NUP58: variants seen among roughly 807,000 people sequenced by gnomAD.
NUP58 encodes nucleoporin p58/p45.
NUP58 carries 17 observed loss-of-function variants against 70.1 expected under a neutral mutation model. The observed-to-expected ratio is 0.24, with a 90% CI of 0.17 to 0.36. The LOEUF (loss-of-function observed/expected upper bound fraction) is 0.36. Among genes scored for constraint, NUP58 ranks in the 10% least tolerant of loss-of-function variants. The pLI is 1.00. For synonymous variants in NUP58, 275 were observed against 257.6 expected, an observed-to-expected ratio of 1.07 and a Z score of -0.65; for missense variants, 644 against 701.5, an observed-to-expected ratio of 0.92 and a Z score of 0.93.
chr13:25,345,857 A>C (rs2137854987), downstream of NUP58, among the ~76,000 whole-genome samples: 1 of 152,272 alleles, frequency 6.6e-6, no homozygotes, highest in Non-Finnish European at 1.5e-5. Context: ...GGAAAAATTG[A>C]CTGTGGCCCA....
intron 9 of NUP58, 126 bp downstream of exon 9, chr13:25,321,219 C>G: frequency 1.4e-6 from 1 of 732,748 alleles, no homozygotes; most frequent in Non-Finnish European, 2.2e-6. Flanking sequence ...CGGTAGAAAA[C>G]CAGATAACTC....
chr13:25,323,007 G>A (rs1316268624), intron 9 of NUP58, among the ~76,000 whole-genome samples: 2 of 152,196 alleles, frequency 1.3e-5, no homozygotes, highest in Non-Finnish European at 2.9e-5. Context: ...ATGCTGTAAT[G>A]GGACCCATTT....
At chr13:25,302,852 T>C (rs2030095800) in intron 1 of NUP58, 2 of 412,928 alleles carry the variant, frequency 4.8e-6, no homozygotes, top group East Asian at 1.4e-4. Flanking sequence ...ATACCTCCGT[T>C]ATTCTTACTC....
intron 10 of NUP58, among the ~76,000 whole-genome samples, chr13:25,325,616 C>T (rs554216377): frequency 6.6e-6 from 1 of 152,226 alleles, no homozygotes; most frequent in African/African-American, 2.4e-5. Flanking sequence ...CATGCTTTAC[C>T]TTCATATTTC....
At chr13:25,336,152 A>G (rs905523319) in intron 13 of NUP58, 2 of 1,339,318 alleles carry the variant, frequency 1.5e-6, no homozygotes, top group East Asian at 9.8e-5. Flanking sequence ...TCTTGAATGT[A>G]TTGAATCTGT....
chr13:25,333,215 C>T, intron 13 of NUP58: 1 of 985,246 alleles, frequency 1.0e-6, no homozygotes, highest in Non-Finnish European at 1.2e-6. Flanking sequence ...AGCTTGTGGA[C>T]ATATGGAGAT....
At chr13:25,335,617 C>T (rs1348848477) in intron 13 of NUP58, 2 of 984,434 alleles carry the variant, frequency 2.0e-6, no homozygotes, top group Non-Finnish European at 1.2e-6. Flanking sequence ...AGAATTCTGG[C>T]TGCTATTAGT....
At chr13:25,333,703 A>C (rs1338969005) in intron 13 of NUP58, 1 of 985,248 alleles carries the variant, frequency 1.0e-6, no homozygotes. Context: ...TACATTTAGA[A>C]ATGTCCCTAT....
At chr13:25,323,000 C>T (rs1458786118) in intron 9 of NUP58, among the ~76,000 whole-genome samples, 2 of 152,126 alleles carry the variant, frequency 1.3e-5, no homozygotes, top group African/African-American at 4.8e-5. Flanking sequence ...GAAGTGAATG[C>T]TGTAATGGGA....
Position 25,315,378 on chromosome 13 carries a change from G to A in NUP58, c.596G>A (p.Gly199Glu). Residue 199 changes from glycine (G) to glutamate (E), a missense_variant, in exon 6 of 16, where the codon GGG (glycine) becomes GAG (glutamate). Physicochemically the swap from Gly to Glu is moderately conservative, Grantham distance 98. Coordinates refer to ENST00000381736, the MANE Select transcript of NUP58 (RefSeq NM_014089.4). ...GTSGLGQNAL[G>E]LTLGTTAATS... ...ATAGGACTTGGACAGAATGCTTTAG[G>A]GTTGACTTTGGGAACTACAGCAGCT... The A allele has an allele frequency of 6.2e-7, 1 of 1,613,652 alleles. No homozygotes were observed. Among genetic ancestry groups the A allele is most frequent in the South Asian group, 1.1e-5 (1 of 91,070 alleles).
At chr13:25,333,855 A>T (rs1207345041) in intron 13 of NUP58, 1 of 985,164 alleles carries the variant, frequency 1.0e-6, no homozygotes, top group East Asian at 1.1e-4. Context: ...TTTATACATC[A>T]CTGTTGATCT....
At chr13:25,324,463 G>C (rs1352113118) in intron 9 of NUP58, among the ~76,000 whole-genome samples, 2 of 152,110 alleles carry the variant, frequency 1.3e-5, no homozygotes, top group African/African-American at 4.8e-5. Flanking sequence ...CTAGCAGCAT[G>C]ATATTGGGCA....
At position 25,341,710 on chromosome 13, in the gene NUP58, C is replaced by G. The variant is rs11538743; in HGVS notation, c.*1576C>G. On this transcript the variant is annotated 3_prime_UTR_variant, in exon 16 of 16. Transcript: ENST00000381736. ...AGAAAACCCTTGGAAAGAGAACTGC[C>G]TTAGCCATGATTTCGTTAGTAGACC... 887 of 152,652 alleles carry G rather than the reference C, an allele frequency of 5.8e-3. 3 individuals are homozygous for G. The highest frequency in any genetic ancestry group is 9.4e-3 in the Non-Finnish European group (636 of 67,996). 9.5% of individuals were successfully genotyped at this position (152,652 alleles called of 1,614,324 possible).
At position 25,333,162 on chromosome 13, in the gene NUP58, T is replaced by C. The variant is rs73470460; in HGVS notation, c.1435+1604T>C. 1.4e-3 allele frequency: 1,372 copies of C among 985,090 alleles called. 10 individuals carry two copies. In the African/African-American group the frequency reaches 0.019, roughly 14 times the overall value. The allele number at this position is 985,090 out of a possible 1,614,324, so 61.0% of individuals were successfully genotyped here. On this transcript the variant is annotated intron_variant, in intron 13 of 15. Coordinates refer to ENST00000381736, the MANE Select transcript of NUP58 (RefSeq NM_014089.4). ...TGTGTTTAACTTTCTTATCTATAGA[T>C]TATTATTTTGAGAAATTCATAGGTT...
intron 9 of NUP58, 85 bp from the exon 10 acceptor site, chr13:25,324,904 G>T: frequency 5.7e-6 from 5 of 872,542 alleles, no homozygotes; most frequent in Non-Finnish European, 9.2e-6. Flanking sequence ...TCAGTCCAGA[G>T]ACTGAATATT....
chr13:25,304,481 TA>T (rs2030196521), intron 1 of NUP58, among the ~76,000 whole-genome samples: 1 of 11,084 alleles, frequency 9.0e-5, no homozygotes, highest in South Asian at 3.2e-3. Flanking sequence ...GTCAAGATTA[TA>T]TATATATATA....
At chr13:25,324,389 T>G (rs1168073470) in intron 9 of NUP58, among the ~76,000 whole-genome samples, 1 of 152,168 alleles carries the variant, frequency 6.6e-6, no homozygotes, top group Non-Finnish European at 1.5e-5. Context: ...TTGGCTGGAA[T>G]TGTAGAAAGC....
chr13:25,331,892 T>G (rs940344562), intron 13 of NUP58: 22 of 1,095,444 alleles, frequency 2.0e-5, no homozygotes, highest in Non-Finnish European at 2.3e-5. Context: ...ACTGTACCAT[T>G]TATTGTTTTA....
Position 25,315,487 on chromosome 13 carries a change from C to T in NUP58, c.685+20C>T. On this transcript the variant is annotated intron_variant, in intron 6 of 15. Coordinates refer to ENST00000381736, the MANE Select transcript of NUP58 (RefSeq NM_014089.4). ...AAAAGAGTAAGTAATGCTGTTGTAA[C>T]TTTATGTTTTAACAGTTCTGTTGAG... The T allele has an allele frequency of 1.3e-6, 2 of 1,540,822 alleles. No individual in the cohort carries two copies. The highest frequency in any genetic ancestry group is 1.8e-6 in the Non-Finnish European group (2 of 1,116,042).
Sources: allele counts gnomAD v4.1 joint callset (sites outside exome capture counted in the v4.1 genomes callset), GRCh38; gene constraint gnomAD v4.1.1; transcripts MANE v1.5; gene names NCBI Gene and HGNC (gene_info 2026-07-23, HGNC 2026-07-21).